The following TENM2 variants were observed in gnomAD, a reference collection of about 807,000 sequenced individuals.
TENM2 encodes the protein teneurin-2.
Under a neutral mutation model 245.2 loss-of-function variants are expected in TENM2, and 52 were observed. The ratio of observed to expected loss-of-function variants is 0.21; its 90% CI spans 0.17 to 0.27. TENM2 has a LOEUF of 0.27. TENM2 is among the 10% of genes least tolerant of loss of function. The pLI, the probability that TENM2 is intolerant of heterozygous loss-of-function variation, is 1.00. For synonymous variants in TENM2, 1,363 were observed against 1,438.9 expected (o/e 0.95, Z 1.19); for missense variants, 3,046 against 3,666.8 (o/e 0.83, Z 4.37).
chr5:167,907,618 A>G (rs2151555674), intron 3 of TENM2, among the ~76,000 whole-genome samples: 1 of 145,314 alleles, frequency 6.9e-6, no homozygotes, highest in African/African-American at 2.5e-5. Context: ...AGAGCTAAGA[A>G]TTTATGGCTG....
chr5:168,158,988 A>C (rs191861189), intron 12 of TENM2, among the ~76,000 whole-genome samples: 1,664 of 149,144 alleles, frequency 0.011, 29 homozygotes, highest in African/African-American at 0.034. Context: ...TATACACACA[A>C]AAAAAATCAG....
the TENM2 span, among the ~76,000 whole-genome samples, chr5:167,195,602 A>C: frequency 6.6e-6 from 1 of 152,058 alleles, no homozygotes; most frequent in Non-Finnish European, 1.5e-5. Flanking sequence ...TTTTAAAATA[A>C]AACTTACTGG....
At chr5:167,804,465 C>T (rs190009106) in intron 2 of TENM2, among the ~76,000 whole-genome samples, 1 of 152,120 alleles carries the variant, frequency 6.6e-6, no homozygotes, top group Admixed American at 6.5e-5. Flanking sequence ...AGTTATTAAG[C>T]CTTTAGTTGC....
chr5:167,000,767 T>C, the TENM2 span, among the ~76,000 whole-genome samples: 3 of 152,228 alleles, frequency 2.0e-5, no homozygotes, highest in Non-Finnish European at 4.4e-5. Context: ...GTGATTTACA[T>C]GTATCAGATA....
At chr5:167,556,971 C>A (rs975517141) in intron 2 of TENM2, among the ~76,000 whole-genome samples, 6 of 152,188 alleles carry the variant, frequency 3.9e-5, no homozygotes, top group Admixed American at 1.3e-4. Context: ...ATTAGGGATT[C>A]TACCAGAATG....
At chr5:167,067,115 A>G in the TENM2 span, among the ~76,000 whole-genome samples, 1 of 152,192 alleles carries the variant, frequency 6.6e-6, no homozygotes, top group Non-Finnish European at 1.5e-5. Flanking sequence ...AGTTGAAGTG[A>G]TTCTGTATAA....
chr5:167,883,233 G>A (rs867465254), intron 3 of TENM2, among the ~76,000 whole-genome samples: 13 of 152,096 alleles, frequency 8.5e-5, no homozygotes, highest in African/African-American at 3.1e-4. Flanking sequence ...CCTAAACAAG[G>A]TCTCCCACCT....
At chr5:167,302,330 AAC>A (rs1755383120) in intron 1 of TENM2, among the ~76,000 whole-genome samples, 1 of 152,038 alleles carries the variant, frequency 6.6e-6, no homozygotes, top group African/African-American at 2.4e-5. Context: ...GGTTTTTAAG[AAC>A]ACAGGCTAAG....
At chr5:167,985,058 C>G (rs1383125213) in intron 4 of TENM2, among the ~76,000 whole-genome samples, 1 of 152,126 alleles carries the variant, frequency 6.6e-6, no homozygotes, top group African/African-American at 2.4e-5. Flanking sequence ...GCTACAGTAC[C>G]CTTTATGGGC....
At position 167,476,886 on chromosome 5, in the gene TENM2, A is replaced by T. The variant is rs370519382; in HGVS notation, c.502+101413A>T. On this transcript the variant is annotated intron_variant, in intron 2 of 28. Coordinates refer to ENST00000518659, the Ensembl canonical transcript of TENM2. ...AGTGCTGGGATTACAGGAGTGAGCC[A>T]CTGTGCCCAGCCAATAGCTGATTTC... is the stretch of plus-strand genomic sequence containing the variant. Among the ~76,000 whole-genome samples, 209 of 152,320 alleles carry T rather than the reference A, an allele frequency of 1.4e-3. 2 individuals are homozygous for T. The highest frequency in any genetic ancestry group is 4.8e-3 in the African/African-American group (198 of 41,562).
At chr5:167,342,507 CTTTTTTTTT>C (rs35451881) in intron 1 of TENM2, among the ~76,000 whole-genome samples, 86 of 54,282 alleles carry the variant, frequency 1.6e-3, no homozygotes, top group Non-Finnish European at 2.5e-3. Context: ...TAAAGTTATT[CTTTTTTTTT>C]TTTTTTTTTT....
intron 6 of TENM2, 70 bp downstream of exon 8, chr5:168,047,619 G>A (rs958640126): frequency 5.3e-6 from 8 of 1,509,278 alleles, no homozygotes; most frequent in Non-Finnish European, 5.3e-6. Flanking sequence ...AGCTGGTTCA[G>A]GTTTTCTAAT....
the TENM2 span, among the ~76,000 whole-genome samples, chr5:167,047,949 A>G: frequency 9.8e-6 from 1 of 102,386 alleles, no homozygotes; most frequent in African/African-American, 6.3e-5. Context: ...GAAAGGCCCT[A>G]TAGCAAAAAC....
At chr5:168,126,355 A>C (rs1167450365) in intron 11 of TENM2, among the ~76,000 whole-genome samples, 1 of 152,126 alleles carries the variant, frequency 6.6e-6, no homozygotes, top group Non-Finnish European at 1.5e-5. Flanking sequence ...AGCTTTGCCA[A>C]ACTGGTTGGA....
At chr5:167,258,628 G>T in the TENM2 span, among the ~76,000 whole-genome samples, 1 of 152,086 alleles carries the variant, frequency 6.6e-6, no homozygotes, top group Non-Finnish European at 1.5e-5. Flanking sequence ...GAAAGATAGG[G>T]TCTCCCTTTT....
chr5:167,162,171 CAA>C, the TENM2 span, among the ~76,000 whole-genome samples: 2 of 99,146 alleles, frequency 2.0e-5, no homozygotes, highest in African/African-American at 7.7e-5. Flanking sequence ...GACTCCGTCT[CAA>C]AAAAAAAAAA....
intron 2 of TENM2, among the ~76,000 whole-genome samples, chr5:167,859,501 G>T (rs1215920601): frequency 3.6e-3 from 405 of 112,190 alleles, no homozygotes; most frequent in Non-Finnish European, 3.4e-3. Flanking sequence ...CGTCCGGGAG[G>T]GAGATGGGGG....
chr5:168,088,657 T>A (rs1210850859), intron 7 of TENM2, among the ~76,000 whole-genome samples: 1 of 152,168 alleles, frequency 6.6e-6, no homozygotes, highest in Non-Finnish European at 1.5e-5. Context: ...TCCCTGAATG[T>A]TAGGTGTGAT....
intron 9 of TENM2, among the ~76,000 whole-genome samples, chr5:168,111,754 G>A (rs1166251132): frequency 6.6e-6 from 1 of 152,156 alleles, no homozygotes; most frequent in Non-Finnish European, 1.5e-5. Flanking sequence ...AGCCATGGCA[G>A]CATTGGGTGT....
Sources: gnomAD v4.1 joint callset for allele counts (sites outside exome capture counted in the v4.1 genomes callset) on GRCh38, gnomAD v4.1.1 for gene constraint, MANE v1.5 for transcripts, NCBI Gene and HGNC (gene_info 2026-07-23, HGNC 2026-07-21) for gene names.